Variants in DAAM2 observed in about 807,000 individuals in gnomAD.
DAAM2 encodes the protein dishevelled associated activator of morphogenesis 2, also known as disheveled-associated activator of morphogenesis 2.
Under a neutral mutation model 120.7 loss-of-function variants are expected in DAAM2, and 39 were observed. The ratio of observed to expected loss-of-function variants is 0.32; its 90% CI spans 0.25 to 0.42. The LOEUF (loss-of-function observed/expected upper bound fraction) is 0.42, where lower values mean the gene tolerates loss of function less well. DAAM2 is among the 10% of genes least tolerant of loss of function. The pLI is 1.00. For missense variants in DAAM2, 1,283 were observed against 1,401.7 expected (o/e 0.92, Z 1.35); for synonymous variants, 488 against 524.9 (o/e 0.93, Z 0.96).
chr6:39,861,424 T>G, intron 3 of DAAM2: 1 of 347,466 alleles, frequency 2.9e-6, no homozygotes, highest in South Asian at 2.3e-5. Flanking sequence ...CTCCACTCTG[T>G]CCCAGGCTAG....
Position 39,900,145 on chromosome 6 carries a change from C to A in DAAM2, c.2748C>A (p.Phe916Leu). The A allele has an allele frequency of 6.2e-7, 1 of 1,604,558 alleles. No individual in the cohort carries two copies. Among genetic ancestry groups the A allele is most frequent in the Non-Finnish European group, 8.5e-7 (1 of 1,175,654 alleles). Residue 916 changes from phenylalanine (F) to leucine (L), a missense_variant, in exon 23 of 25, where the codon TTC (phenylalanine) becomes TTA (leucine). Around this residue, in one of 3 missense-constraint regions of DAAM2, gnomAD observed 748 missense variants for 768.6 expected, o/e 0.97. Coordinates refer to ENST00000274867, the MANE Select transcript of DAAM2 (RefSeq NM_001201427.2). Reference sequence around the variant, plus strand: ...AGTTTGTCCCTGTCATGAGCGACTTCATCACGGTGTCCAGCTTCAGCTTCT... The same window carrying A: ...AGTTTGTCCCTGTCATGAGCGACTTAATCACGGTGTCCAGCTTCAGCTTCT... ...SDKFVPVMSD[F>L]ITVSSFSFSE...
At chr6:39,870,497 T>C (rs777079374) in intron 8 of DAAM2, 54 bp downstream of exon 8, 1 of 1,109,090 alleles carries the variant, frequency 9.0e-7, no homozygotes, top group Non-Finnish European at 1.3e-6. Context: ...GTGCCTCAGA[T>C]GGGGATAGTT....
chr6:39,815,857 A>C (rs1274598102), intron 1 of DAAM2, among the ~76,000 whole-genome samples: 4 of 152,226 alleles, frequency 2.6e-5, no homozygotes, highest in Non-Finnish European at 5.9e-5. Flanking sequence ...GCTCACAAGC[A>C]ACTCACTCAA....
At chr6:39,855,585 C>T (rs1408363550) in intron 1 of DAAM2, among the ~76,000 whole-genome samples, 2 of 152,216 alleles carry the variant, frequency 1.3e-5, no homozygotes, top group African/African-American at 4.8e-5. Flanking sequence ...GGACAACTGG[C>T]CGCCTCCTTC....
At chr6:39,833,995 C>T (rs1008340049) in intron 1 of DAAM2, among the ~76,000 whole-genome samples, 7 of 152,244 alleles carry the variant, frequency 4.6e-5, no homozygotes, top group Middle Eastern at 3.4e-3. Context: ...CAAAGTCTTG[C>T]AGCTTGTTAG....
At chr6:39,826,783 G>A (rs190612209) in intron 1 of DAAM2, among the ~76,000 whole-genome samples, 2 of 152,274 alleles carry the variant, frequency 1.3e-5, no homozygotes, top group East Asian at 1.9e-4. Context: ...ATAGTCACAG[G>A]TTTCTGTAAC....
chr6:39,866,631 C>A (rs947122103), intron 5 of DAAM2, among the ~76,000 whole-genome samples: 1 of 152,298 alleles, frequency 6.6e-6, no homozygotes, highest in East Asian at 1.9e-4. Context: ...CATAACAAAT[C>A]AATGAAAATA....
At position 39,847,157 on chromosome 6, in the gene DAAM2, G is replaced by A. The variant is rs144081839; in HGVS notation, c.-56-9090G>A. Among the ~76,000 whole-genome samples, 14 of 152,310 alleles carry A rather than the reference G, an allele frequency of 9.2e-5. No homozygotes were observed. In the East Asian group the frequency reaches 2.7e-3, roughly 29 times the overall value. ...TGCACAGGCCCTGCTGTGTTTCTAG[G>A]GCAGAGTTGGCCTGACAGAACCTCA... On this transcript the variant is annotated intron_variant, in intron 1 of 24. Transcript: ENST00000274867.
rs1158121373 is a variant in DAAM2 at position 39,884,073 on chromosome 6, A to T, written c.1953+4A>T. ...TTCAGCCTACCAGAGGCACCAGGTA[A>T]GACCCTATACCCTCTGGCCTCTTGG... On this transcript the variant is annotated splice_donor_region_variant and intron_variant, in intron 15 of 24. Coordinates refer to ENST00000274867, the MANE Select transcript of DAAM2 (RefSeq NM_001201427.2). The T allele has an allele frequency of 3.3e-6, 5 of 1,526,566 alleles. No individual in the cohort carries two copies. The highest frequency in any genetic ancestry group is 3.4e-4 in the Middle Eastern group (2 of 5,898). The allele number at this position is 1,526,566 out of a possible 1,614,324, so 94.6% of individuals were successfully genotyped here.
chr6:39,899,231 A>T (rs1332844846), intron 22 of DAAM2, among the ~76,000 whole-genome samples: 1 of 152,218 alleles, frequency 6.6e-6, no homozygotes, highest in Non-Finnish European at 1.5e-5. Flanking sequence ...TGGGAAAAAG[A>T]ATCCTCATCC....
chr6:39,886,262 C>T (rs970040176), intron 15 of DAAM2: 2 of 396,516 alleles, frequency 5.0e-6, no homozygotes, highest in Non-Finnish European at 8.9e-6. Context: ...TCTAGTGCCA[C>T]TTATGGGTGC....
chr6:39,842,612 AACAG>A (rs1271286770), intron 1 of DAAM2, among the ~76,000 whole-genome samples: 2 of 152,208 alleles, frequency 1.3e-5, no homozygotes, highest in East Asian at 3.8e-4. Context: ...CAGCCGGGGC[AACAG>A]ACAGAGACTC....
chr6:39,897,419 T>C, intron 21 of DAAM2, 137 bp downstream of exon 21: 1 of 619,620 alleles, frequency 1.6e-6, no homozygotes, highest in Non-Finnish European at 2.9e-6. Flanking sequence ...TTCAAAAGAA[T>C]TTAAACAGAC....
chr6:39,901,095 C>T lies in DAAM2; in HGVS notation c.2812-207C>T, dbSNP rs191290624. On this transcript the variant is annotated intron_variant, in intron 23 of 24. Transcript: ENST00000274867. The surrounding 1 kb of genome is among the most constrained non-coding windows in gnomAD (Gnocchi z 4.5). Reference sequence around the variant, plus strand: ...TGGCTCTAAGGTGGACTGAGTGAGCCCAACTCTTTACCTGCCTCTCCTTAG... The same window carrying T: ...TGGCTCTAAGGTGGACTGAGTGAGCTCAACTCTTTACCTGCCTCTCCTTAG... 9.5e-4 allele frequency among the ~76,000 whole-genome samples: 144 copies of T among 152,162 alleles called. 1 individual carries two copies. The Middle Eastern group carries it at 0.014, about 14-fold the overall frequency.
intron 1 of DAAM2, among the ~76,000 whole-genome samples, chr6:39,832,892 G>T (rs1404054109): frequency 1.3e-5 from 2 of 152,122 alleles, no homozygotes; most frequent in South Asian, 4.1e-4. Context: ...TGAAGCTTAG[G>T]TCTTCCTCAG....
At chr6:39,831,696 TG>T (rs35375976) in intron 1 of DAAM2, among the ~76,000 whole-genome samples, 53,182 of 135,788 alleles carry the variant, frequency 0.39, 11,974 homozygotes, top group Admixed American at 0.52. Flanking sequence ...GTCTGTGGCC[TG>T]GGGGGTAGGC....
chr6:39,826,636 C>G (rs1012794722), intron 1 of DAAM2, among the ~76,000 whole-genome samples: 1 of 152,194 alleles, frequency 6.6e-6, no homozygotes, highest in African/African-American at 2.4e-5. Flanking sequence ...GTTTGCTTTT[C>G]TCCTTTTGCC....
chr6:39,868,344 T>C (rs1001666142), intron 6 of DAAM2: 1 of 214,990 alleles, frequency 4.7e-6, no homozygotes, highest in Non-Finnish European at 9.4e-6. Flanking sequence ...AGATGAACAG[T>C]AAATATGAAG....
At chr6:39,830,772 G>A (rs1356120086) in intron 1 of DAAM2, among the ~76,000 whole-genome samples, 1 of 152,156 alleles carries the variant, frequency 6.6e-6, no homozygotes, top group Non-Finnish European at 1.5e-5. Context: ...ACTGCATCAG[G>A]ACCAGGGCAG....
Sources: allele counts gnomAD v4.1 joint callset (sites outside exome capture counted in the v4.1 genomes callset), GRCh38; gene constraint gnomAD v4.1.1; regional missense constraint gnomAD v4.1.1; non-coding constraint Gnocchi (gnomAD v3.1); transcripts MANE v1.5; gene names NCBI Gene and HGNC (gene_info 2026-07-23, HGNC 2026-07-21).